Variants in MAMDC2 observed in about 807,000 individuals in gnomAD.
MAMDC2 encodes MAM domain-containing protein 2.
MAMDC2 carries 57 observed loss-of-function variants against 89.8 expected under a neutral mutation model. The observed-to-expected ratio is 0.63, with a 90% CI of 0.51 to 0.79. The LOEUF (loss-of-function observed/expected upper bound fraction) is 0.79. Ranked by LOEUF, MAMDC2 falls within the 30% of genes least tolerant of loss-of-function variation. MAMDC2 has a pLI of 0.00. For missense variants in MAMDC2, 800 were observed against 820.6 expected (o/e 0.97, Z 0.31); for synonymous variants, 313 against 293.4 (o/e 1.07, Z -0.68).
In MAMDC2 at chr9:70,044,066, T is replaced by C. The variant is rs964143158; in HGVS notation, c.-132T>C. 8.1e-5 allele frequency: 87 copies of C among 1,080,608 alleles called. 1 individual carries two copies. The South Asian group carries it at 1.1e-3, about 13-fold the overall frequency. The allele number at this position is 1,080,608 out of a possible 1,614,324, so 66.9% of individuals were successfully genotyped here. Reference sequence around the variant, plus strand: ...AAGTTGGGCAGCTCAGAGCGCAAGCTTTGCCTCTCGACTTCTCCCTCCTTG... The same window carrying C: ...AAGTTGGGCAGCTCAGAGCGCAAGCCTTGCCTCTCGACTTCTCCCTCCTTG... On this transcript the variant is annotated 5_prime_UTR_variant, in exon 1 of 14. Transcript: ENST00000377182.
At chr9:70,150,347 C>T (rs1162800121) in intron 9 of MAMDC2, among the ~76,000 whole-genome samples, 2 of 152,204 alleles carry the variant, frequency 1.3e-5, no homozygotes, top group Admixed American at 1.3e-4. Context: ...GGTTTAATAA[C>T]TCAGTATTGA....
intron 2 of MAMDC2, among the ~76,000 whole-genome samples, chr9:70,068,881 C>T (rs1479029432): frequency 6.6e-6 from 1 of 152,032 alleles, no homozygotes; most frequent in East Asian, 1.9e-4. Context: ...GAAAAGTTTT[C>T]TTAAAGAGGT....
At chr9:70,182,316 C>CT (rs1563990085) in intron 11 of MAMDC2, among the ~76,000 whole-genome samples, 2 of 152,034 alleles carry the variant, frequency 1.3e-5, no homozygotes, top group Admixed American at 1.3e-4. Context: ...CTGAAATTTT[C>CT]TTTTTTTGTT....
chr9:70,159,391 A>C (rs1408813663), intron 9 of MAMDC2, among the ~76,000 whole-genome samples: 1 of 152,162 alleles, frequency 6.6e-6, no homozygotes, highest in African/African-American at 2.4e-5. Context: ...CATAGGTTAA[A>C]AAGGGGTAAG....
intron 5 of MAMDC2, among the ~76,000 whole-genome samples, chr9:70,116,922 T>G (rs2030028115): frequency 1.3e-5 from 2 of 152,104 alleles, no homozygotes; most frequent in Admixed American, 1.3e-4. Flanking sequence ...CCATTCTTCC[T>G]CTTCTTCCTT....
At chr9:70,130,213 G>A (rs993504917) in intron 6 of MAMDC2, among the ~76,000 whole-genome samples, 1 of 152,120 alleles carries the variant, frequency 6.6e-6, no homozygotes, top group African/African-American at 2.4e-5. Context: ...TTCAACACAG[G>A]AATTGTGTGT....
chr9:70,098,225 T>C (rs531557215), intron 2 of MAMDC2, among the ~76,000 whole-genome samples: 1 of 152,346 alleles, frequency 6.6e-6, no homozygotes, highest in East Asian at 1.9e-4. Context: ...AGTGCTGCCC[T>C]TCTGCAGGTG....
At chr9:70,097,754 G>C (rs1587467292) in intron 2 of MAMDC2, among the ~76,000 whole-genome samples, 1 of 152,198 alleles carries the variant, frequency 6.6e-6, no homozygotes, top group South Asian at 2.1e-4. Context: ...TCAGTATGCT[G>C]GCTTCTGGGG....
chr9:70,117,064 G>A (rs974832381), intron 5 of MAMDC2, among the ~76,000 whole-genome samples: 1 of 152,110 alleles, frequency 6.6e-6, no homozygotes, highest in Admixed American at 6.5e-5. Flanking sequence ...AGAAGACTAC[G>A]CACCTTCCAG....
At chr9:70,203,190 G>A (rs2033141996) in intron 11 of MAMDC2, among the ~76,000 whole-genome samples, 1 of 152,136 alleles carries the variant, frequency 6.6e-6, no homozygotes, top group Non-Finnish European at 1.5e-5. Context: ...GCAGCGGCTG[G>A]TACCGGTTGT....
rs60876294 is a variant in MAMDC2 at position 70,132,812 on chromosome 9, C to A, written c.994+1200C>A. On this transcript the variant is annotated intron_variant, in intron 7 of 13. Transcript: ENST00000377182. ...GTGCTGGCATTACAGGTGTGAGCCA[C>A]AGTTTACATGGAAAAATATTTTCAA... Among the ~76,000 whole-genome samples the A allele has an allele frequency of 2.9e-3, 449 of 152,252 alleles. 1 individual carries two copies. The highest frequency in any genetic ancestry group is 0.01 in the African/African-American group (430 of 41,530).
intron 2 of MAMDC2, among the ~76,000 whole-genome samples, chr9:70,068,584 G>A (rs767665781): frequency 1.2e-4 from 18 of 151,996 alleles, no homozygotes; most frequent in South Asian, 2.1e-4. Context: ...CAAATTAGCC[G>A]GGCGTGGTGG....
chr9:70,073,208 T>C (rs190867000), intron 2 of MAMDC2, among the ~76,000 whole-genome samples: 2 of 152,366 alleles, frequency 1.3e-5, no homozygotes, highest in South Asian at 2.1e-4. Context: ...AAAGCTTACA[T>C]ATCTGCAAAT....
At position 70,109,761 on chromosome 9, in the gene MAMDC2, C is replaced by T. The variant is rs1167489401; in HGVS notation, c.462C>T (p.Ser154=). 4 of 1,614,012 alleles carry T rather than the reference C, an allele frequency of 2.5e-6. No individual in the cohort carries two copies. In the East Asian group the frequency reaches 8.9e-5, roughly 36 times the overall value. ...TACTAGGACAGGGAAACACAGCCAG[C>T]ATCGCACTATTTGAAATCAAGATGA... is the stretch of plus-strand genomic sequence containing the variant. ...EGVLGQGNTA[S]IALFEIKMTT... is the part of the protein sequence containing the mutation. Residue 154 remains serine, a synonymous_variant, in exon 4 of 14, where the codon AGC becomes AGT. Coordinates refer to ENST00000377182, the MANE Select transcript of MAMDC2 (RefSeq NM_153267.5).
intron 2 of MAMDC2, among the ~76,000 whole-genome samples, chr9:70,107,828 C>T (rs995935198): frequency 7.9e-5 from 12 of 152,262 alleles, no homozygotes; most frequent in South Asian, 4.2e-4. Flanking sequence ...CCTCAGCCTG[C>T]AGAAACATAT....
At chr9:70,084,260 A>G (rs1329185238) in intron 2 of MAMDC2, among the ~76,000 whole-genome samples, 1 of 152,076 alleles carries the variant, frequency 6.6e-6, no homozygotes, top group Non-Finnish European at 1.5e-5. Flanking sequence ...CTTATGTTGT[A>G]TCTTGGCCAT....
At chr9:70,163,912 C>G (rs922676998) in intron 9 of MAMDC2, among the ~76,000 whole-genome samples, 10 of 147,490 alleles carry the variant, frequency 6.8e-5, no homozygotes, top group African/African-American at 2.5e-4. Flanking sequence ...CAAGATCACA[C>G]CACTGTACTC....
chr9:70,221,380 T>TATAGAGAGAGAGAGAGAGAG, intron 12 of MAMDC2, among the ~76,000 whole-genome samples: 1 of 7,042 alleles, frequency 1.4e-4, no homozygotes, highest in Non-Finnish European at 2.6e-4. Flanking sequence ...TATATATATA[T>TATAGAGAGAGAGAGAGAGAG]AGAGAGAGAG....
intron 2 of MAMDC2, among the ~76,000 whole-genome samples, chr9:70,104,715 T>C (rs567475293): frequency 1.7e-4 from 26 of 152,306 alleles, no homozygotes; most frequent in African/African-American, 6.0e-4. Context: ...ATTCTATTTA[T>C]ATAAAGTTTC....
Sources: allele counts gnomAD v4.1 joint callset (sites outside exome capture counted in the v4.1 genomes callset), GRCh38; gene constraint gnomAD v4.1.1; transcripts MANE v1.5; gene names NCBI Gene and HGNC (gene_info 2026-07-23, HGNC 2026-07-21).